Variants in DCDC1 observed in about 807,000 individuals in gnomAD.
The protein encoded by DCDC1 is doublecortin domain containing 1, also known as doublecortin domain-containing protein 1.
Under a neutral mutation model 178.3 loss-of-function variants are expected in DCDC1, and 200 were observed. That is an observed-to-expected ratio of 1.12 (90% confidence interval 1.00 to 1.26). The LOEUF (loss-of-function observed/expected upper bound fraction) is 1.26, where lower values mean the gene tolerates loss of function less well. Ranked by LOEUF, DCDC1 falls within the 50% of genes most tolerant of loss-of-function variation. The pLI is 0.00. For missense variants in DCDC1, 1,983 were observed against 1,749.2 expected, an observed-to-expected ratio of 1.13 and a Z score of -2.38; for synonymous variants, 690 against 604.8, an observed-to-expected ratio of 1.14 and a Z score of -2.07.
intron 20 of DCDC1, among the ~76,000 whole-genome samples, chr11:31,048,899 A>G (rs1955058509): frequency 6.6e-6 from 1 of 152,178 alleles, no homozygotes; most frequent in Non-Finnish European, 1.5e-5. Context: ...AAATAGATAC[A>G]CTGATGGGCA....
chr11:31,232,765 C>T (rs1355742294), intron 9 of DCDC1, among the ~76,000 whole-genome samples: 1 of 152,118 alleles, frequency 6.6e-6, no homozygotes, highest in African/African-American at 2.4e-5. Context: ...GTGATGATAG[C>T]TAATCCCCAG....
chr11:30,879,284 A>G (rs1311246500), intron 37 of DCDC1, among the ~76,000 whole-genome samples: 1 of 152,184 alleles, frequency 6.6e-6, no homozygotes, highest in Non-Finnish European at 1.5e-5. Flanking sequence ...GGTCACAGAA[A>G]CAGCATGAGT....
At chr11:31,232,947 G>A (rs1304300860) in intron 9 of DCDC1, among the ~76,000 whole-genome samples, 1 of 152,068 alleles carries the variant, frequency 6.6e-6, no homozygotes, top group East Asian at 1.9e-4. Context: ...AATTAGCCGG[G>A]CATGGTGGCA....
intron 9 of DCDC1, among the ~76,000 whole-genome samples, chr11:31,189,948 AC>A (rs1344672003): frequency 6.6e-6 from 1 of 152,178 alleles, no homozygotes; most frequent in Non-Finnish European, 1.5e-5. Flanking sequence ...TACCACATTT[AC>A]CAAAGTTGAC....
At chr11:31,142,816 C>A (rs1159024143) in intron 9 of DCDC1, among the ~76,000 whole-genome samples, 1 of 152,090 alleles carries the variant, frequency 6.6e-6, no homozygotes. Context: ...TATAATTAAG[C>A]TGGGCAAGTT....
At chr11:31,284,105 C>T (rs1946649942) in intron 7 of DCDC1, among the ~76,000 whole-genome samples, 1 of 151,950 alleles carries the variant, frequency 6.6e-6, no homozygotes, top group African/African-American at 2.4e-5. Flanking sequence ...TTGTCTAATA[C>T]CTAAAAATTG....
chr11:31,231,222 C>A (rs1475065869), intron 9 of DCDC1, among the ~76,000 whole-genome samples: 1 of 152,132 alleles, frequency 6.6e-6, no homozygotes, highest in African/African-American at 2.4e-5. Context: ...CTCTGCCTCC[C>A]AAAGTGCTAA....
intron 6 of DCDC1, among the ~76,000 whole-genome samples, chr11:31,296,998 G>C (rs1402619420): frequency 6.6e-6 from 1 of 152,170 alleles, no homozygotes; most frequent in Non-Finnish European, 1.5e-5. Flanking sequence ...CTCCTATTTA[G>C]CAACAGGAAG....
chr11:30,935,795 G>A (rs931953069), intron 21 of DCDC1, among the ~76,000 whole-genome samples: 6 of 152,174 alleles, frequency 3.9e-5, no homozygotes, highest in Non-Finnish European at 5.9e-5. Context: ...CTCGTGATCC[G>A]CCCGCCTCGG....
At position 30,994,741 on chromosome 11, in the gene DCDC1, T is replaced by G. The variant is rs540161905; in HGVS notation, c.2592-42173A>C. On this transcript the variant is annotated intron_variant, in intron 20 of 38. Transcript: ENST00000684477. ...ATGTTATAATATATTATATATTTATTTAATAAATATATAATATATTTGTTT... is the reference window on the plus strand; with the variant it reads ...ATGTTATAATATATTATATATTTATGTAATAAATATATAATATATTTGTTT... Among the ~76,000 whole-genome samples the G allele has an allele frequency of 1.1e-4, 16 of 143,412 alleles. No individual in the cohort carries two copies. The East Asian group carries it at 2.0e-3, about 18-fold the overall frequency. The allele number at this position is 143,412 out of a possible 152,430, so 94.1% of individuals were successfully genotyped here.
At chr11:30,996,726 T>G (rs537619422) in intron 20 of DCDC1, among the ~76,000 whole-genome samples, 1 of 152,312 alleles carries the variant, frequency 6.6e-6, no homozygotes, top group Admixed American at 6.5e-5. Flanking sequence ...CTTCCCTGCC[T>G]CTGAAGCTGT....
chr11:31,099,533 T>C (rs1958366691), intron 15 of DCDC1, among the ~76,000 whole-genome samples: 1 of 152,138 alleles, frequency 6.6e-6, no homozygotes, highest in African/African-American at 2.4e-5. Flanking sequence ...GGAGCCTAGT[T>C]GATTTTGAGC....
intron 9 of DCDC1, among the ~76,000 whole-genome samples, chr11:31,235,564 T>A (rs1454617527): frequency 6.6e-6 from 1 of 152,024 alleles, no homozygotes; most frequent in Non-Finnish European, 1.5e-5. Flanking sequence ...CCATATTAGT[T>A]CATTCAAAAA....
At chr11:31,155,787 C>G (rs550221667) in intron 9 of DCDC1, 1 of 152,292 alleles carries the variant, frequency 6.6e-6, no homozygotes, top group South Asian at 2.1e-4. Context: ...AAGAGGTGAC[C>G]ACGTCAAGGT....
chr11:31,290,992 A>G (rs1947190009), intron 6 of DCDC1, 140 bp from the exon 7 acceptor site: 1 of 733,012 alleles, frequency 1.4e-6, no homozygotes, highest in African/African-American at 1.8e-5. Context: ...AAATGCTACC[A>G]CCAGTTTCTT....
chr11:31,110,710 C>CA (rs10714067), intron 11 of DCDC1, among the ~76,000 whole-genome samples: 95 of 142,498 alleles, frequency 6.7e-4, no homozygotes, highest in Middle Eastern at 3.6e-3. Context: ...AAGCAAGTGT[C>CA]AAAAAAAAAA....
At chr11:30,917,683 C>CTCA (rs1945948224) in intron 25 of DCDC1, among the ~76,000 whole-genome samples, 1 of 152,084 alleles carries the variant, frequency 6.6e-6, no homozygotes, top group Non-Finnish European at 1.5e-5. Context: ...AGTTCCAGGC[C>CTCA]ACTGTTGAGA....
chr11:31,201,213 T>C (rs1971248443), intron 9 of DCDC1, among the ~76,000 whole-genome samples: 1 of 152,016 alleles, frequency 6.6e-6, no homozygotes, highest in Non-Finnish European at 1.5e-5. Flanking sequence ...TTGTATATAC[T>C]TATTATTTTA....
chr11:31,285,164 T>C (rs1248056164), intron 7 of DCDC1, among the ~76,000 whole-genome samples: 2 of 151,996 alleles, frequency 1.3e-5, no homozygotes, highest in Admixed American at 6.6e-5. Context: ...GAAATTCACA[T>C]TAAATAATGA....
Sources: gnomAD v4.1 joint callset for allele counts (sites outside exome capture counted in the v4.1 genomes callset) on GRCh38, gnomAD v4.1.1 for gene constraint, MANE v1.5 for transcripts, NCBI Gene and HGNC (gene_info 2026-07-23, HGNC 2026-07-21) for gene names.